FAM135B: variants seen among roughly 807,000 people sequenced by gnomAD.
FAM135B encodes the protein protein FAM135B.
In FAM135B, 43 loss-of-function variants were observed where a neutral mutation model predicts 127.7. That is an observed-to-expected ratio of 0.34 (90% confidence interval 0.26 to 0.43). FAM135B has a LOEUF of 0.43. Ranked by LOEUF, FAM135B falls within the 20% of genes least tolerant of loss-of-function variation. The pLI is 1.00. For synonymous variants in FAM135B, 670 were observed against 665.1 expected (o/e 1.01, Z -0.11); for missense variants, 1,558 against 1,725.6 (o/e 0.90, Z 1.72).
chr8:138,226,502 G>A (rs542776860), intron 7 of FAM135B, among the ~76,000 whole-genome samples: 1 of 152,304 alleles, frequency 6.6e-6, no homozygotes, highest in Non-Finnish European at 1.5e-5. Context: ...AGTGTGTGCA[G>A]CATGTGCAAA....
At chr8:138,405,584 G>A (rs1363769459) in intron 1 of FAM135B, among the ~76,000 whole-genome samples, 1 of 151,880 alleles carries the variant, frequency 6.6e-6, no homozygotes, top group Non-Finnish European at 1.5e-5. Flanking sequence ...TGGTGTATAT[G>A]TGCCACATTT....
At chr8:138,359,199 AAAAT>A (rs1488263730) in intron 2 of FAM135B, among the ~76,000 whole-genome samples, 1 of 152,222 alleles carries the variant, frequency 6.6e-6, no homozygotes, top group Non-Finnish European at 1.5e-5. Context: ...AATTGTTATT[AAAAT>A]AATATTTATG....
In FAM135B at chr8:138,243,180, G is replaced by C. The variant is rs556686668; in HGVS notation, c.543-112C>G. ...TGAAGCATTTGGGATAAGTCATTTA[G>C]GAGTAGTTCACCCCCTAGGGAGTGT... On this transcript the variant is annotated intron_variant, in intron 6 of 19. Transcript: ENST00000395297. This position sits in a 1 kb window ranked among gnomAD's most constrained non-coding sequence, Gnocchi z 7.5. 9.1e-5 allele frequency: 118 copies of C among 1,291,848 alleles called. 2 individuals are homozygous for C. In the South Asian group the frequency reaches 1.0e-3, roughly 11 times the overall value. 80.0% of individuals were successfully genotyped at this position (1,291,848 alleles called of 1,614,324 possible). A position where few individuals can be genotyped will look rare whatever the true frequency, so the allele number is the denominator to read the frequency against.
At chr8:138,246,867 A>G (rs1821330287) in intron 6 of FAM135B, among the ~76,000 whole-genome samples, 1 of 152,216 alleles carries the variant, frequency 6.6e-6, no homozygotes, top group Admixed American at 6.5e-5. Flanking sequence ...GGGCACAGCT[A>G]CCCAAGGCCA....
chr8:138,494,661 A>G (rs941970494), intron 1 of FAM135B, among the ~76,000 whole-genome samples: 36 of 152,190 alleles, frequency 2.4e-4, no homozygotes, highest in African/African-American at 8.4e-4. Flanking sequence ...TTCCTTCAGC[A>G]ATAAAATCAA....
At chr8:138,394,851 T>G (rs1209032052) in intron 1 of FAM135B, among the ~76,000 whole-genome samples, 1 of 152,110 alleles carries the variant, frequency 6.6e-6, no homozygotes, top group Non-Finnish European at 1.5e-5. Context: ...GCAGCAGCAC[T>G]CGAGTTAATT....
chr8:138,187,880 G>T (rs533688515), intron 9 of FAM135B, among the ~76,000 whole-genome samples: 9 of 152,168 alleles, frequency 5.9e-5, no homozygotes, highest in Non-Finnish European at 1.2e-4. Flanking sequence ...AGAAAGGAGA[G>T]GGGCTGGGGA....
At chr8:138,244,185 C>T (rs1479095989) in intron 6 of FAM135B, among the ~76,000 whole-genome samples, 1 of 152,138 alleles carries the variant, frequency 6.6e-6, no homozygotes, top group African/African-American at 2.4e-5. Flanking sequence ...ATGATTGAGG[C>T]ACAGCCTTCA....
Position 138,261,223 on chromosome 8 carries a change from A to G in FAM135B, c.298-4464T>C, listed in dbSNP as rs368500454. 2.0e-5 allele frequency among the ~76,000 whole-genome samples: 3 copies of G among 152,162 alleles called. No homozygotes were observed. In the South Asian group the frequency reaches 6.2e-4, roughly 32 times the overall value. On this transcript the variant is annotated intron_variant, in intron 4 of 19. Transcript: ENST00000395297. ...GTCTGGCCTGGGCTCACGAATCTGC[A>G]TTTTGTATGAGTACTGCCAGGGGAC...
chr8:138,387,244 G>C (rs1042797441), intron 1 of FAM135B, among the ~76,000 whole-genome samples: 10 of 152,140 alleles, frequency 6.6e-5, no homozygotes, highest in Admixed American at 4.6e-4. Context: ...GAGCAGGCCA[G>C]ACTTCTTAAG....
chr8:138,251,653 T>C (rs1036309029), intron 5 of FAM135B, among the ~76,000 whole-genome samples: 2 of 152,202 alleles, frequency 1.3e-5, no homozygotes, highest in Non-Finnish European at 2.9e-5. Context: ...TATTTTGTAA[T>C]TGACATGTAT....
intron 7 of FAM135B, among the ~76,000 whole-genome samples, chr8:138,222,124 G>A (rs557444692): frequency 3.3e-5 from 5 of 152,108 alleles, no homozygotes; most frequent in South Asian, 2.1e-4. Flanking sequence ...AGAGAGAGAC[G>A]GGAAGCCGAG....
chr8:138,250,773 C>T (rs1821636509), intron 6 of FAM135B, 68 bp downstream of exon 6: 3 of 1,566,488 alleles, frequency 1.9e-6, no homozygotes, highest in Middle Eastern at 1.7e-4. Context: ...GGAAAACTCC[C>T]TGCCCCTCTA....
At chr8:138,336,908 C>T (rs1401234760) in intron 2 of FAM135B, among the ~76,000 whole-genome samples, 9 of 152,184 alleles carry the variant, frequency 5.9e-5, no homozygotes, top group Admixed American at 5.9e-4. Flanking sequence ...GCTTATCCAC[C>T]ATGATCAAGT....
At position 138,204,387 on chromosome 8, in the gene FAM135B, C is replaced by A. The variant is rs948032909; in HGVS notation, c.670-6718G>T. Among the ~76,000 whole-genome samples, 5 of 152,318 alleles carry A rather than the reference C, an allele frequency of 3.3e-5. No homozygotes were observed. The East Asian group carries it at 9.6e-4, about 29-fold the overall frequency. ...CCTGTACCTCTCATTCCAATACTCCCTGAACACTTTGGGAGTAAAAAGACA... is the reference window on the plus strand; with the variant it reads ...CCTGTACCTCTCATTCCAATACTCCATGAACACTTTGGGAGTAAAAAGACA... On this transcript the variant is annotated intron_variant, in intron 7 of 19. Transcript: ENST00000395297.
intron 1 of FAM135B, among the ~76,000 whole-genome samples, chr8:138,469,690 C>T (rs913541692): frequency 6.6e-6 from 1 of 152,114 alleles, no homozygotes; most frequent in African/African-American, 2.4e-5. Flanking sequence ...AGGACAAATA[C>T]AAGATTAGAA....
intron 1 of FAM135B, among the ~76,000 whole-genome samples, chr8:138,456,441 T>C (rs1836781427): frequency 6.6e-6 from 1 of 152,202 alleles, no homozygotes. Context: ...ATTGGGAGAC[T>C]ACAAGGTTAG....
chr8:138,299,897 A>G (rs1376330285), intron 3 of FAM135B, among the ~76,000 whole-genome samples: 2 of 152,232 alleles, frequency 1.3e-5, no homozygotes, highest in Admixed American at 6.5e-5. Context: ...AAATTTTAAT[A>G]TAATTAAAAT....
intron 2 of FAM135B, among the ~76,000 whole-genome samples, chr8:138,333,439 A>C (rs1265954921): frequency 6.6e-6 from 1 of 152,082 alleles, no homozygotes; most frequent in East Asian, 1.9e-4. Flanking sequence ...ATCTTTGCAC[A>C]TGCCACTCCC....
Sources: allele counts gnomAD v4.1 joint callset (sites outside exome capture counted in the v4.1 genomes callset), GRCh38; gene constraint gnomAD v4.1.1; non-coding constraint Gnocchi (gnomAD v3.1); transcripts MANE v1.5; gene names NCBI Gene and HGNC (gene_info 2026-07-23, HGNC 2026-07-21).